CES5A: variants seen among roughly 807,000 people sequenced by gnomAD.
The protein encoded by CES5A is carboxylesterase 5A.
A neutral mutation model predicts 62.9 loss-of-function variants in CES5A; 67 were observed. The ratio of observed to expected loss-of-function variants is 1.07; its 90% CI spans 0.88 to 1.31. CES5A has a LOEUF of 1.31. Ranked by LOEUF, CES5A falls within the 50% of genes most tolerant of loss-of-function variation. The pLI is 0.00. For missense variants in CES5A, 748 were observed against 708.5 expected, an observed-to-expected ratio of 1.06 and a Z score of -0.63; for synonymous variants, 296 against 280.8, an observed-to-expected ratio of 1.05 and a Z score of -0.54.
chr16:55,865,167 T>C (rs1283820716), intron 5 of CES5A, among the ~76,000 whole-genome samples: 33 of 151,528 alleles, frequency 2.2e-4, no homozygotes, highest in African/African-American at 6.8e-4. Context: ...GATTGCACCA[T>C]TGCACTCCAG....
upstream of CES5A, among the ~76,000 whole-genome samples, chr16:55,878,503 A>T (rs1298511254): frequency 4.0e-5 from 6 of 151,792 alleles, no homozygotes; most frequent in African/African-American, 1.5e-4. Context: ...TTGACCTTCA[A>T]ATCTTTTCTC....
At chr16:55,930,503 C>T (rs1336552439) in intron 2 of CES5A, among the ~76,000 whole-genome samples, 1 of 152,188 alleles carries the variant, frequency 6.6e-6, no homozygotes, top group Non-Finnish European at 1.5e-5. Flanking sequence ...CAGTTTGGTT[C>T]TGGTTTTTGC....
intron 1 of CES5A, among the ~76,000 whole-genome samples, chr16:55,920,460 T>C (rs2034192992): frequency 6.6e-6 from 1 of 152,184 alleles, no homozygotes; most frequent in Non-Finnish European, 1.5e-5. Context: ...ACAGGTCTTC[T>C]GGGAATGAAT....
chr16:55,901,099 G>A lies in CES5A; in HGVS notation c.-256+24224C>T, dbSNP rs1202343934. 2.0e-5 allele frequency among the ~76,000 whole-genome samples: 3 copies of A among 152,102 alleles called. No homozygotes were observed. The East Asian group carries it at 5.8e-4, about 29-fold the overall frequency. On this transcript the variant is annotated intron_variant, in intron 1 of 12. Coordinates refer to the CES5A transcript ENST00000518005. ...CACGTGTCATGGGAGGGGCCTGGGG[G>A]AAGGCAATTGAATCATGTGGGTGGG...
chr16:55,861,807 T>C (rs1485271182), intron 6 of CES5A, among the ~76,000 whole-genome samples: 1 of 152,176 alleles, frequency 6.6e-6, no homozygotes, highest in African/African-American at 2.4e-5. Flanking sequence ...AGATTCCTGG[T>C]CACAAAGAGA....
chr16:55,865,974 C>A lies in CES5A; in HGVS notation c.694G>T (p.Val232Phe), dbSNP rs1256187226. 1.2e-6 allele frequency: 2 copies of A among 1,614,074 alleles called. No homozygotes were observed. The highest frequency in any genetic ancestry group is 1.7e-6 in the Non-Finnish European group (2 of 1,180,032). Reference sequence around the variant, plus strand: ...AGCAGAGAACTCACAAGACTAGAAACACTTATGGCTCCCGCGGACTCGCCA... The same window carrying A: ...AGCAGAGAACTCACAAGACTAGAAAAACTTATGGCTCCCGCGGACTCGCCA... ...IFGESAGAIS[V>F]SSLILSPMAK... Residue 232 changes from valine to phenylalanine, a missense_variant, in exon 5 of 13, where the codon GTT becomes TTT. Coordinates refer to ENST00000290567, the MANE Select transcript of CES5A (RefSeq NM_001143685.2).
At chr16:55,936,522 C>A (rs1327468150) in intron 2 of CES5A, among the ~76,000 whole-genome samples, 3 of 152,178 alleles carry the variant, frequency 2.0e-5, no homozygotes, top group African/African-American at 7.2e-5. Context: ...CAAGCATACA[C>A]CGGGTTTCTC....
intron 2 of CES5A, among the ~76,000 whole-genome samples, chr16:55,947,640 G>A (rs1254862380): frequency 1.3e-5 from 2 of 152,250 alleles, no homozygotes; most frequent in Non-Finnish European, 2.9e-5. Flanking sequence ...GTTGTAGGGA[G>A]AGGAAGTTAG....
At position 55,846,646 on chromosome 16, in the gene CES5A, AGCTG is replaced by A; in HGVS notation, c.1529_1532del (p.Pro510LeufsTer4). ...GGAGGTACTGCTCAGTCAGATTATAAGCTGGCCACAGAGACAGGTCGTTCCCATT... is the reference window on the plus strand; with the variant it reads ...GGAGGTACTGCTCAGTCAGATTATAAGCCACAGAGACAGGTCGTTCCCATT... On this transcript the variant is annotated frameshift_variant, in exon 13 of 13. Coordinates refer to ENST00000290567, the MANE Select transcript of CES5A (RefSeq NM_001143685.2). LOFTEE classifies it low-confidence loss of function (END_TRUNC). The A allele has an allele frequency of 6.2e-7, 1 of 1,614,128 alleles. No individual in the cohort carries two copies. Among genetic ancestry groups the A allele is most frequent in the Non-Finnish European group, 8.5e-7 (1 of 1,180,016 alleles).
rs141969906 is a variant in CES5A, at chr16:55,933,590, T to G, written c.160+16195A>C. On this transcript the variant is annotated intron_variant, in intron 2 of 13. Coordinates refer to the CES5A transcript ENST00000521992. ...AGTTCAAAAGCCTTAGAGTCTTACC[T>G]GAATTGTATACTTTAAGTGGGTGAA... Among the ~76,000 whole-genome samples the G allele has an allele frequency of 2.3e-3, 354 of 152,306 alleles. 1 individual carries two copies. Among genetic ancestry groups the G allele is most frequent in the African/African-American group, 8.2e-3 (339 of 41,574 alleles).
At chr16:55,919,250 G>A (rs758569727) in intron 1 of CES5A, among the ~76,000 whole-genome samples, 3 of 152,222 alleles carry the variant, frequency 2.0e-5, no homozygotes, top group Non-Finnish European at 2.9e-5. Context: ...CAAGGCTTAC[G>A]TGAAACTCTT....
At chr16:55,888,649 G>A (rs2033841455) in intron 1 of CES5A, among the ~76,000 whole-genome samples, 1 of 152,218 alleles carries the variant, frequency 6.6e-6, no homozygotes, top group South Asian at 2.1e-4. Context: ...GGGGAATCCA[G>A]ACTAAGATTT....
At chr16:55,898,266 T>C (rs1366413964) in intron 1 of CES5A, among the ~76,000 whole-genome samples, 1 of 152,164 alleles carries the variant, frequency 6.6e-6, no homozygotes, top group Non-Finnish European at 1.5e-5. Flanking sequence ...TAAAATCACA[T>C]GTAGATGCAT....
chr16:55,886,947 C>T (rs578080013), intron 1 of CES5A, among the ~76,000 whole-genome samples: 8 of 152,206 alleles, frequency 5.3e-5, no homozygotes, highest in Non-Finnish European at 1.2e-4. Flanking sequence ...CCCCAGGACC[C>T]ACTGGTCCTA....
chr16:55,955,796 G>A lies in CES5A; in HGVS notation c.42+48C>T, dbSNP rs564929411. ...AAGGCTCATCTTTCTCATTCCAGTG[G>A]GTTTGGGGGTGGGGTCCAGGCAGTA... On this transcript the variant is annotated intron_variant, in intron 1 of 13. Coordinates refer to the CES5A transcript ENST00000521992. 2.4e-4 allele frequency: 360 copies of A among 1,526,698 alleles called. 2 individuals are homozygous for A. The South Asian group carries it at 4.0e-3, about 17-fold the overall frequency. The allele number at this position is 1,526,698 out of a possible 1,614,324, so 94.6% of individuals were successfully genotyped here.
chr16:55,944,821 G>T (rs1317932020), intron 2 of CES5A, among the ~76,000 whole-genome samples: 1 of 152,124 alleles, frequency 6.6e-6, no homozygotes, highest in African/African-American at 2.4e-5. Flanking sequence ...TTCTCGTCCT[G>T]CCTTTAAATC....
At chr16:55,919,496 T>A (rs2034180263) in intron 1 of CES5A, among the ~76,000 whole-genome samples, 1 of 152,158 alleles carries the variant, frequency 6.6e-6, no homozygotes, top group African/African-American at 2.4e-5. Flanking sequence ...TCAGGAAGTA[T>A]GGACTCTTTT....
intron 8 of CES5A, among the ~76,000 whole-genome samples, 199 bp from the exon 9 acceptor site, chr16:55,856,644 C>T (rs1270222607): frequency 6.6e-6 from 1 of 152,212 alleles, no homozygotes; most frequent in Non-Finnish European, 1.5e-5. Flanking sequence ...GGCAGCTGTT[C>T]CTTGTCATTC....
rs532366837 is a variant in CES5A at position 55,944,984 on chromosome 16, A to ACTTG, written c.160+4797_160+4800dup. 9.3e-3 allele frequency among the ~76,000 whole-genome samples: 1,416 copies of ACTTG among 152,322 alleles called. 11 individuals carry two copies. Among genetic ancestry groups the ACTTG allele is most frequent in the Non-Finnish European group, 0.014 (927 of 68,038 alleles). On this transcript the variant is annotated intron_variant, in intron 2 of 13. Transcript: ENST00000521992. ...GAGTTCAAATCCGCCTCTGCTTCTC[A>ACTTG]CTTGCTATATGCGTGATTTGAACCG... is the stretch of plus-strand genomic sequence containing the variant.
Sources: allele counts gnomAD v4.1 joint callset (sites outside exome capture counted in the v4.1 genomes callset), GRCh38; gene constraint gnomAD v4.1.1; transcripts MANE v1.5; gene names NCBI Gene and HGNC (gene_info 2026-07-23, HGNC 2026-07-21).